Variants in KSR2 observed in about 807,000 individuals in gnomAD.
The protein encoded by KSR2 is kinase suppressor of ras 2.
Under a neutral mutation model 107.8 loss-of-function variants are expected in KSR2, and 25 were observed. The observed-to-expected ratio is 0.23, with a 90% confidence interval of 0.17 to 0.32. The LOEUF (loss-of-function observed/expected upper bound fraction) is 0.32, where lower values mean the gene tolerates loss of function less well. Ranked by LOEUF, KSR2 falls within the 10% of genes least tolerant of loss-of-function variation. The pLI, the probability that KSR2 is intolerant of heterozygous loss-of-function variation, is 1.00. For missense variants in KSR2, 887 were observed against 1,268.9 expected (o/e 0.70, Z 4.57); for synonymous variants, 480 against 507.0 (o/e 0.95, Z 0.71).
intron 4 of KSR2, among the ~76,000 whole-genome samples, chr12:117,751,295 C>T (rs1201895456): frequency 6.6e-6 from 1 of 152,172 alleles, no homozygotes; most frequent in African/African-American, 2.4e-5. Flanking sequence ...TCCATTAAAC[C>T]TCTTTCCTTT....
intron 5 of KSR2, among the ~76,000 whole-genome samples, chr12:117,640,100 C>T (rs921873216): frequency 7.5e-5 from 8 of 105,966 alleles, no homozygotes; most frequent in African/African-American, 2.9e-4. Flanking sequence ...GGTATCGAAT[C>T]CATTCAATAT....
At chr12:117,564,102 G>C (rs187469187) in intron 7 of KSR2, among the ~76,000 whole-genome samples, 8 of 152,264 alleles carry the variant, frequency 5.3e-5, no homozygotes, top group Non-Finnish European at 8.8e-5. Flanking sequence ...TAATGAATTT[G>C]GTTCTCCAGG....
intron 14 of KSR2, among the ~76,000 whole-genome samples, chr12:117,498,217 G>A (rs992846709): frequency 2.6e-5 from 4 of 152,076 alleles, no homozygotes; most frequent in African/African-American, 4.8e-5. Context: ...AGGTGACTCC[G>A]GAGATTCAGA....
At chr12:117,724,958 G>T (rs967462603) in intron 4 of KSR2, among the ~76,000 whole-genome samples, 1 of 152,068 alleles carries the variant, frequency 6.6e-6, no homozygotes, top group Non-Finnish European at 1.5e-5. Context: ...GGGCAAGTGA[G>T]AACTTAGGTG....
intron 1 of KSR2, among the ~76,000 whole-genome samples, chr12:117,952,982 C>A (rs1896406673): frequency 1.9e-5 from 1 of 53,402 alleles, no homozygotes; most frequent in African/African-American, 7.6e-5. Context: ...GAGACTCCAT[C>A]TCAAAAAAAA....
At chr12:117,608,908 G>A (rs1881439079) in intron 5 of KSR2, among the ~76,000 whole-genome samples, 1 of 152,010 alleles carries the variant, frequency 6.6e-6, no homozygotes, top group African/African-American at 2.4e-5. Context: ...ACAGTTGGGG[G>A]GTAATAGCTC....
rs1036924768 is a variant in KSR2, at chr12:117,561,166, T to C, written c.1326-2593A>G. Among the ~76,000 whole-genome samples, 5 of 152,216 alleles carry C rather than the reference T, an allele frequency of 3.3e-5. No individual in the cohort carries two copies. The East Asian group carries it at 5.8e-4, about 18-fold the overall frequency. ...TAAAAATAGTAGAGTGGATATGTAA[T>C]TATGATAAAATCATGACAGAGTGTT... is the stretch of plus-strand genomic sequence containing the variant. On this transcript the variant is annotated intron_variant, in intron 7 of 19. Coordinates refer to ENST00000339824, the MANE Select transcript of KSR2 (RefSeq NM_173598.6).
At chr12:117,680,943 C>T (rs1030601823) in intron 4 of KSR2, among the ~76,000 whole-genome samples, 1 of 152,128 alleles carries the variant, frequency 6.6e-6, no homozygotes, top group Non-Finnish European at 1.5e-5. Context: ...GGAATACAGA[C>T]AAACAGATAG....
intron 13 of KSR2, among the ~76,000 whole-genome samples, chr12:117,525,689 G>C (rs980972824): frequency 2.6e-5 from 4 of 152,182 alleles, no homozygotes; most frequent in African/African-American, 9.7e-5. Context: ...ATGTGATAAA[G>C]TTGACAGGCT....
chr12:117,921,954 A>G (rs1231133969), intron 1 of KSR2, among the ~76,000 whole-genome samples: 1 of 152,226 alleles, frequency 6.6e-6, no homozygotes, highest in Non-Finnish European at 1.5e-5. Context: ...TAGCAAATGT[A>G]TGTTTGTGTG....
chr12:117,636,169 A>G (rs535507662), intron 5 of KSR2, among the ~76,000 whole-genome samples: 1 of 152,144 alleles, frequency 6.6e-6, no homozygotes, highest in Admixed American at 6.5e-5. Flanking sequence ...CTATTGTAAG[A>G]TCCATTCTAC....
chr12:117,623,380 C>G (rs903253732), intron 5 of KSR2, among the ~76,000 whole-genome samples: 27 of 152,266 alleles, frequency 1.8e-4, no homozygotes, highest in Admixed American at 1.4e-3. Flanking sequence ...ATCCCTCCCC[C>G]AGCCCCGCAC....
intron 4 of KSR2, among the ~76,000 whole-genome samples, chr12:117,697,762 T>C (rs1035662874): frequency 1.3e-5 from 2 of 150,540 alleles, no homozygotes; most frequent in African/African-American, 4.9e-5. Context: ...AAAAAAAGGT[T>C]TCAGTGGCCC....
rs1432458621 is a variant in KSR2, at chr12:117,755,813, G to GAAACT, written c.986+5197_986+5198insAGTTT. On this transcript the variant is annotated intron_variant, in intron 4 of 19. Transcript: ENST00000339824. ...AAATGGTCAAGTTGTGAAGGCAAAG[G>GAAACT]AAAAGTTCTTTTTCTTAAGGAAACT... 2.6e-3 allele frequency among the ~76,000 whole-genome samples: 390 copies of GAAACT among 152,324 alleles called. 1 individual carries two copies. Among genetic ancestry groups the GAAACT allele is most frequent in the African/African-American group, 8.8e-3 (364 of 41,554 alleles).
chr12:117,937,462 C>T (rs2137521378), intron 1 of KSR2, among the ~76,000 whole-genome samples: 1 of 152,048 alleles, frequency 6.6e-6, no homozygotes, highest in Non-Finnish European at 1.5e-5. Flanking sequence ...GTTAAAGAAC[C>T]TGCCTCTACC....
At chr12:117,967,738 G>A (rs1374701681) in intron 1 of KSR2, among the ~76,000 whole-genome samples, 1 of 151,850 alleles carries the variant, frequency 6.6e-6, no homozygotes, top group East Asian at 1.9e-4. Context: ...TCCACAAGCG[G>A]AAAAAAGAGA....
intron 5 of KSR2, among the ~76,000 whole-genome samples, chr12:117,600,379 C>T (rs531076442): frequency 5.3e-5 from 8 of 152,250 alleles, no homozygotes; most frequent in East Asian, 1.9e-4. Flanking sequence ...GGCAATCAGA[C>T]GTGTTTTCAG....
chr12:117,961,537 A>G (rs1806598), intron 1 of KSR2, among the ~76,000 whole-genome samples: 43,136 of 151,804 alleles, frequency 0.28, 6,829 homozygotes, highest in African/African-American at 0.42. Context: ...ATTTCCAAAT[A>G]CCAAGACTCC....
In KSR2 at chr12:117,781,150, T is replaced by G. The variant is rs569064381; in HGVS notation, c.473-19626A>C. Among the ~76,000 whole-genome samples, 4 of 152,310 alleles carry G rather than the reference T, an allele frequency of 2.6e-5. No homozygotes were observed. The East Asian group carries it at 7.7e-4, about 29-fold the overall frequency. On this transcript the variant is annotated intron_variant, in intron 3 of 19. Transcript: ENST00000339824. ...TAAATGGGAGTTCCCCTGCACACGC[T>G]CTCTCTTGCCCACTGCCATGTAAAA...
Sources: gnomAD v4.1 joint callset for allele counts (sites outside exome capture counted in the v4.1 genomes callset) on GRCh38, gnomAD v4.1.1 for gene constraint, MANE v1.5 for transcripts, NCBI Gene and HGNC (gene_info 2026-07-23, HGNC 2026-07-21) for gene names.